The following DLG2 variants were observed in gnomAD, a reference collection of about 807,000 sequenced individuals.
The protein encoded by DLG2 is disks large homolog 2.
In DLG2, 45 loss-of-function variants were observed where a neutral mutation model predicts 132.5. The observed-to-expected ratio is 0.34, with a 90% CI of 0.27 to 0.44. The LOEUF is 0.44. Ranked by LOEUF, DLG2 falls within the 20% of genes least tolerant of loss-of-function variation. The pLI, the probability that DLG2 is intolerant of heterozygous loss-of-function variation, is 1.00. For synonymous variants in DLG2, 424 were observed against 419.6 expected, an observed-to-expected ratio of 1.01 and a Z score of -0.13; for missense variants, 1,045 against 1,196.9, an observed-to-expected ratio of 0.87 and a Z score of 1.87.
intron 4 of DLG2, among the ~76,000 whole-genome samples, chr11:85,274,491 A>G (rs1167641500): frequency 7.2e-5 from 11 of 152,228 alleles, no homozygotes; most frequent in Admixed American, 7.2e-4. Flanking sequence ...ACTATAGCAT[A>G]GCCAAGTTTA....
Position 84,570,249 on chromosome 11 carries a change from T to C in DLG2, c.358-35518A>G, listed in dbSNP as rs2099476395. Among the ~76,000 whole-genome samples, 4 of 152,176 alleles carry C rather than the reference T, an allele frequency of 2.6e-5. No individual in the cohort carries two copies. In the South Asian group the frequency reaches 8.3e-4, roughly 32 times the overall value. On this transcript the variant is annotated intron_variant, in intron 6 of 27. Transcript: ENST00000376104. Reference sequence around the variant, plus strand: ...TTTCACATTTCCTTGCCATTGATTGTGTTGTCCTCTGCCCAATTCTTTATC... The same window carrying C: ...TTTCACATTTCCTTGCCATTGATTGCGTTGTCCTCTGCCCAATTCTTTATC...
chr11:84,300,038 T>C (rs1409857999), intron 7 of DLG2, among the ~76,000 whole-genome samples: 1 of 152,088 alleles, frequency 6.6e-6, no homozygotes, highest in Non-Finnish European at 1.5e-5. Flanking sequence ...ATAATGGTTT[T>C]GATTTTGGGT....
chr11:84,595,361 C>T (rs1435822651), intron 6 of DLG2, among the ~76,000 whole-genome samples: 1 of 152,034 alleles, frequency 6.6e-6, no homozygotes, highest in Non-Finnish European at 1.5e-5. Flanking sequence ...GATCCACCCA[C>T]CTCTGCCTCC....
chr11:85,332,174 G>C lies in DLG2; in HGVS notation c.41-46809C>G, dbSNP rs146747119. ...ATAGCTACTCTGACTGGTTTGAGATGGTATCTCATTGTAGTTTTGAAATGA... is the reference window on the plus strand; with the variant it reads ...ATAGCTACTCTGACTGGTTTGAGATCGTATCTCATTGTAGTTTTGAAATGA... On this transcript the variant is annotated intron_variant, in intron 3 of 27. Coordinates refer to ENST00000376104, the MANE Select transcript of DLG2 (RefSeq NM_001142699.3). Among the ~76,000 whole-genome samples the C allele has an allele frequency of 9.9e-4, 150 of 152,206 alleles. 1 individual carries two copies. The highest frequency in any genetic ancestry group is 3.4e-3 in the African/African-American group (142 of 41,542).
chr11:84,254,379 CTGTA>C (rs1347426526), intron 7 of DLG2, among the ~76,000 whole-genome samples: 3 of 152,042 alleles, frequency 2.0e-5, no homozygotes, highest in African/African-American at 7.2e-5. Context: ...TCCAAGAAGA[CTGTA>C]TGTCTAAAAA....
chr11:83,767,266 G>A (rs1278419900), intron 18 of DLG2, among the ~76,000 whole-genome samples: 1 of 152,102 alleles, frequency 6.6e-6, no homozygotes. Context: ...AAGTTCTGGG[G>A]TACATGTGCA....
chr11:83,627,217 AT>A (rs1398030295), intron 19 of DLG2, among the ~76,000 whole-genome samples: 4 of 151,458 alleles, frequency 2.6e-5, no homozygotes, highest in African/African-American at 9.7e-5. Context: ...TTATTTTATT[AT>A]TATTATACTT....
At chr11:85,070,068 C>T (rs926433244) in intron 6 of DLG2, among the ~76,000 whole-genome samples, 2 of 152,018 alleles carry the variant, frequency 1.3e-5, no homozygotes, top group African/African-American at 4.8e-5. Context: ...AAACCAAACA[C>T]CGCATGTTCT....
chr11:84,910,878 G>A (rs2091994098), intron 6 of DLG2, among the ~76,000 whole-genome samples: 1 of 152,176 alleles, frequency 6.6e-6, no homozygotes, highest in South Asian at 2.1e-4. Flanking sequence ...GTTACACTAG[G>A]AATGCAAAGT....
At chr11:84,448,815 T>G (rs929729219) in intron 7 of DLG2, among the ~76,000 whole-genome samples, 1 of 152,022 alleles carries the variant, frequency 6.6e-6, no homozygotes, top group Non-Finnish European at 1.5e-5. Context: ...ACCTTATTTA[T>G]TTTCGTATCC....
At chr11:85,129,195 T>C (rs757731966) in intron 5 of DLG2, among the ~76,000 whole-genome samples, 4 of 152,188 alleles carry the variant, frequency 2.6e-5, no homozygotes, top group Non-Finnish European at 5.9e-5. Context: ...GATGACTCAA[T>C]CTTCTGAAAG....
chr11:84,816,041 G>A (rs1199810936), intron 6 of DLG2, among the ~76,000 whole-genome samples: 2 of 152,036 alleles, frequency 1.3e-5, no homozygotes, highest in Non-Finnish European at 2.9e-5. Flanking sequence ...GGACAAATGA[G>A]TGGAAGTAAC....
At chr11:85,301,645 A>C (rs1467144007) in intron 3 of DLG2, among the ~76,000 whole-genome samples, 1 of 152,220 alleles carries the variant, frequency 6.6e-6, no homozygotes, top group Non-Finnish European at 1.5e-5. Context: ...CTCCAAGAAC[A>C]CAAAGCCAGT....
chr11:83,828,480 T>C (rs2053527897), intron 17 of DLG2, among the ~76,000 whole-genome samples: 1 of 152,220 alleles, frequency 6.6e-6, no homozygotes, highest in African/African-American at 2.4e-5. Context: ...GGTCAAAATG[T>C]TTTTGAAAGC....
chr11:83,920,973 A>C (rs2077772333), intron 15 of DLG2, among the ~76,000 whole-genome samples: 1 of 152,174 alleles, frequency 6.6e-6, no homozygotes, highest in Non-Finnish European at 1.5e-5. Flanking sequence ...AGCAGAATTC[A>C]ATACTTGAAG....
At chr11:83,631,167 C>CTTTTTTTTTTT (rs57696126) in intron 19 of DLG2, 6 of 91,632 alleles carry the variant, frequency 6.5e-5, no homozygotes, top group African/African-American at 8.6e-5. Context: ...TTGCTTCTTG[C>CTTTTTTTTTTT]TTTTTTTTTT....
chr11:85,488,984 T>A (rs906813588), intron 3 of DLG2, among the ~76,000 whole-genome samples: 7 of 152,000 alleles, frequency 4.6e-5, no homozygotes, highest in African/African-American at 1.7e-4. Flanking sequence ...TATAGAATTC[T>A]ACCAAACCAC....
chr11:85,116,949 C>A (rs1481338838), intron 5 of DLG2, among the ~76,000 whole-genome samples: 1 of 151,980 alleles, frequency 6.6e-6, no homozygotes, highest in African/African-American at 2.4e-5. Context: ...AATGGGACTG[C>A]ACCTAGAGCT....
chr11:84,131,089 T>C (rs1182252195), intron 9 of DLG2, among the ~76,000 whole-genome samples: 1 of 152,014 alleles, frequency 6.6e-6, no homozygotes, highest in Admixed American at 6.6e-5. Flanking sequence ...GGTGTCTTCT[T>C]TGACAACATC....
Sources: gnomAD v4.1 joint callset for allele counts (sites outside exome capture counted in the v4.1 genomes callset) on GRCh38, gnomAD v4.1.1 for gene constraint, MANE v1.5 for transcripts, NCBI Gene and HGNC (gene_info 2026-07-23, HGNC 2026-07-21) for gene names.